The following PCDHA9 variants were observed in gnomAD, a reference collection of about 807,000 sequenced individuals.
PCDHA9 encodes protocadherin alpha-9.
A neutral mutation model predicts 62.0 loss-of-function variants in PCDHA9; 62 were observed. The ratio of observed to expected loss-of-function variants is 1.00; its 90% CI spans 0.81 to 1.23. The LOEUF (loss-of-function observed/expected upper bound fraction) is 1.23, where lower values mean the gene tolerates loss of function less well. PCDHA9 is among the 50% of genes most tolerant of loss of function. The pLI is 0.00. For missense variants in PCDHA9, 1,205 were observed against 1,249.8 expected (o/e 0.96, Z 0.54); for synonymous variants, 557 against 567.6 (o/e 0.98, Z 0.27).
chr5:140,856,229 C>CG (rs2043871917), intron 1 of PCDHA9: 1 of 1,597,818 alleles, frequency 6.3e-7, no homozygotes, highest in Non-Finnish European at 8.6e-7. Context: ...GCTGGTGCAG[C>CG]GCCTGTTCCG....
At chr5:140,853,330 G>A in intron 1 of PCDHA9, 1 of 984,768 alleles carries the variant, frequency 1.0e-6, no homozygotes, top group South Asian at 4.7e-5. Flanking sequence ...TTTATCTTTT[G>A]AGGTCATTAG....
At chr5:140,982,253 A>G (rs1209317234) in intron 2 of PCDHA9, 16 of 777,640 alleles carry the variant, frequency 2.1e-5, no homozygotes, top group Admixed American at 3.3e-5. Context: ...AAGATAGAAC[A>G]TGTGTGTTCC....
At chr5:140,875,324 C>G in intron 1 of PCDHA9, 2 of 1,426,280 alleles carry the variant, frequency 1.4e-6, no homozygotes, top group Non-Finnish European at 1.8e-6. Flanking sequence ...CAATCATTCA[C>G]GGAATAGGAT....
In PCDHA9 at chr5:140,849,775, C is replaced by T. The variant is rs369759015; in HGVS notation, c.1280C>T (p.Ala427Val). 5 of 1,598,318 alleles carry T rather than the reference C, an allele frequency of 3.1e-6. No individual in the cohort carries two copies. Among genetic ancestry groups the T allele is most frequent in the African/African-American group, 1.3e-5 (1 of 74,378 alleles). The change falls in exon 1 of 4, where the codon GCG becomes GTG. Residue 427 changes from alanine to valine, a missense_variant. This residue lies in a region of PCDHA9 where 887 missense variants were observed against 809.5 expected (regional missense o/e 1.10). Coordinates refer to ENST00000532602, the MANE Select transcript of PCDHA9 (RefSeq NM_031857.2). ...TCCGCCTACGAGCTGGTGGTTACCGCGCGGGACGGGGGCTCGCCTTCACTG... is the reference window on the plus strand; with the variant it reads ...TCCGCCTACGAGCTGGTGGTTACCGTGCGGGACGGGGGCTCGCCTTCACTG... The part of the protein sequence containing the change: ...SVSAYELVVT[A>V]RDGGSPSLWA...
At chr5:140,864,602 A>T (rs1472168357) in intron 1 of PCDHA9, 2 of 152,210 alleles carry the variant, frequency 1.3e-5, no homozygotes, top group African/African-American at 4.8e-5. Flanking sequence ...CAGATAGCCA[A>T]CAACTTTGTT....
At chr5:140,937,070 C>G (rs1363778213) in intron 1 of PCDHA9, among the ~76,000 whole-genome samples, 2 of 147,796 alleles carry the variant, frequency 1.4e-5, no homozygotes, top group Admixed American at 1.4e-4. Context: ...CGGAGTCTCG[C>G]TCTGTCGCCC....
At chr5:140,883,538 G>A (rs782240531) in intron 1 of PCDHA9, 1 of 1,614,230 alleles carries the variant, frequency 6.2e-7, no homozygotes, top group Admixed American at 1.7e-5. Flanking sequence ...CTATGAACTG[G>A]TGGTGACCGC....
At chr5:140,869,980 A>G (rs782258774) in intron 1 of PCDHA9, 91 of 1,613,262 alleles carry the variant, frequency 5.6e-5, no homozygotes, top group Non-Finnish European at 7.5e-5. Context: ...ACACTTATTT[A>G]CACTAGATCA....
At chr5:140,977,911 A>T (rs2096780139) in intron 1 of PCDHA9, among the ~76,000 whole-genome samples, 1 of 152,002 alleles carries the variant, frequency 6.6e-6, no homozygotes, top group Non-Finnish European at 1.5e-5. Flanking sequence ...TTTATCCCCC[A>T]TTTTTTTCAT....
At position 140,871,619 on chromosome 5, in the gene PCDHA9, A is replaced by G. The variant is rs1214249274; in HGVS notation, c.2394+20730A>G. ...ACCAGTGTTTTGAATATTGTTTTAG[A>G]TAACAATGTCTGTTCATAAAATACC... On this transcript the variant is annotated intron_variant, in intron 1 of 3. Coordinates refer to ENST00000532602, the MANE Select transcript of PCDHA9 (RefSeq NM_031857.2). 17 of 1,415,418 alleles carry G rather than the reference A, an allele frequency of 1.2e-5. No individual in the cohort carries two copies. In the Admixed American group the frequency reaches 3.9e-4, roughly 33 times the overall value. The allele number at this position is 1,415,418 out of a possible 1,614,324, so 87.7% of individuals were successfully genotyped here.
At chr5:140,957,255 T>C (rs577479092) in intron 1 of PCDHA9, among the ~76,000 whole-genome samples, 88 of 152,306 alleles carry the variant, frequency 5.8e-4, no homozygotes, top group Non-Finnish European at 1.0e-3. Flanking sequence ...AAAATTTAAA[T>C]ATGTAAGCAC....
intron 1 of PCDHA9, among the ~76,000 whole-genome samples, chr5:140,896,652 C>T (rs1393897195): frequency 2.6e-5 from 4 of 152,018 alleles, no homozygotes; most frequent in African/African-American, 9.7e-5. Flanking sequence ...GCTAGTATTA[C>T]AGGCATGAGT....
At position 140,850,565 on chromosome 5, in the gene PCDHA9, G is replaced by A. The variant is rs2041680380; in HGVS notation, c.2070G>A (p.Glu690=). The change falls in exon 1 of 4, where the codon GAG becomes GAA. Residue 690 remains glutamate, a synonymous_variant. Transcript: ENST00000532602. ...CGTCAGTGGGTGCCACGGGCCCCGA[G>A]GTGACGCTGGTGGATGTCAACGTGT... is the stretch of plus-strand genomic sequence containing the variant. ...SRASVGATGP[E]VTLVDVNVYL... The A allele has an allele frequency of 1.3e-6, 2 of 1,598,414 alleles. No individual in the cohort carries two copies. The highest frequency in any genetic ancestry group is 4.5e-5 in the East Asian group (2 of 44,844).
chr5:140,875,234 T>C, intron 1 of PCDHA9: 1 of 867,742 alleles, frequency 1.2e-6, no homozygotes. Context: ...ATCTTTCTTG[T>C]ACTTACATAA....
chr5:140,861,442 G>A (rs251368), intron 1 of PCDHA9: 2 of 490,042 alleles, frequency 4.1e-6, no homozygotes, highest in African/African-American at 3.9e-5. Flanking sequence ...TCCAAAAGCC[G>A]CAGAAACCTT....
chr5:140,970,872 T>C (rs2096439604), intron 1 of PCDHA9, among the ~76,000 whole-genome samples: 3 of 152,158 alleles, frequency 2.0e-5, no homozygotes, highest in African/African-American at 7.2e-5. Flanking sequence ...TGATTGAGAG[T>C]AGATTTTTCT....
chr5:140,852,729 T>C, intron 1 of PCDHA9: 1 of 983,952 alleles, frequency 1.0e-6, no homozygotes, highest in South Asian at 4.8e-5. Flanking sequence ...TTTTTCAAGT[T>C]TCATGTGCCA....
chr5:140,915,517 G>T (rs982535213), intron 1 of PCDHA9, among the ~76,000 whole-genome samples: 17 of 152,066 alleles, frequency 1.1e-4, no homozygotes, highest in African/African-American at 4.1e-4. Flanking sequence ...TTGCAGACTA[G>T]TAGAGGTACC....
In PCDHA9 at chr5:140,923,298, C is replaced by T. The variant is rs1039610789; in HGVS notation, c.2395-55651C>T. ...TACAAAAAATTAAAAATTAGCTGGG[C>T]GTGGGGGCGCTTGGCCTAGAAGTTC... On this transcript the variant is annotated intron_variant, in intron 1 of 3. Transcript: ENST00000532602. Among the ~76,000 whole-genome samples, 28 of 152,160 alleles carry T rather than the reference C, an allele frequency of 1.8e-4. 1 individual carries two copies. The highest frequency in any genetic ancestry group is 4.8e-4 in the African/African-American group (20 of 41,504).
Sources: gnomAD v4.1 joint callset for allele counts (sites outside exome capture counted in the v4.1 genomes callset) on GRCh38, gnomAD v4.1.1 for gene constraint, gnomAD v4.1.1 regional missense constraint, MANE v1.5 for transcripts, NCBI Gene and HGNC (gene_info 2026-07-23, HGNC 2026-07-21) for gene names.